Variants in SLC6A11 observed in about 807,000 individuals in gnomAD.
SLC6A11 encodes the protein solute carrier family 6 member 11, also known as sodium- and chloride-dependent GABA transporter 3.
A neutral mutation model predicts 74.8 loss-of-function variants in SLC6A11; 25 were observed. The ratio of observed to expected loss-of-function variants is 0.33; its 90% CI spans 0.24 to 0.47. The LOEUF (loss-of-function observed/expected upper bound fraction) is 0.47, where lower values mean the gene tolerates loss of function less well. Among genes scored for constraint, SLC6A11 ranks in the 20% least tolerant of loss-of-function variants. The pLI, the probability that SLC6A11 is intolerant of heterozygous loss-of-function variation, is 1.00. For synonymous variants in SLC6A11, 330 were observed against 330.2 expected, an observed-to-expected ratio of 1.00 and a Z score of 0.01; for missense variants, 574 against 837.0, an observed-to-expected ratio of 0.69 and a Z score of 3.88.
At chr3:10,933,742 C>G (rs181565557) in intron 11 of SLC6A11, among the ~76,000 whole-genome samples, 466 of 152,234 alleles carry the variant, frequency 3.1e-3, no homozygotes, top group African/African-American at 0.01. Flanking sequence ...CCTGCCAGGC[C>G]CCTGCCTTCA....
intron 1 of SLC6A11, among the ~76,000 whole-genome samples, chr3:10,817,936 C>T (rs2106568410): frequency 6.6e-6 from 1 of 152,294 alleles, no homozygotes; most frequent in South Asian, 2.1e-4. Context: ...CTGTGCACAC[C>T]TAGGGTAGTC....
At chr3:10,879,682 A>G (rs1176171806) in intron 6 of SLC6A11, among the ~76,000 whole-genome samples, 1 of 152,190 alleles carries the variant, frequency 6.6e-6, no homozygotes, top group Admixed American at 6.5e-5. Flanking sequence ...CGGGACATAA[A>G]CCATATCAAA....
chr3:10,822,547 G>C (rs1694152121), intron 3 of SLC6A11, among the ~76,000 whole-genome samples: 2 of 152,180 alleles, frequency 1.3e-5, no homozygotes, highest in Admixed American at 1.3e-4. Flanking sequence ...TGGAAAAGTT[G>C]GTTGCTTGGA....
chr3:10,819,191 T>C (rs1694103608), intron 1 of SLC6A11, among the ~76,000 whole-genome samples: 1 of 152,204 alleles, frequency 6.6e-6, no homozygotes. Context: ...TTTTACATTA[T>C]CATCTTAGCT....
At position 10,935,180 on chromosome 3, in the gene SLC6A11, C is replaced by A. The variant is rs759318965; in HGVS notation, c.1727C>A (p.Thr576Lys). The A allele has an allele frequency of 6.2e-7, 1 of 1,614,146 alleles. No homozygotes were observed. Among genetic ancestry groups the A allele is most frequent in the South Asian group, 1.1e-5 (1 of 91,076 alleles). ...TGGATCTGCATCACAGTGTGGAAGA[C>A]GGAGGGGACACTGCCCGAGGTGAGA... ...PLWICITVWK[T>K]EGTLPEKLQK... Residue 576 changes from threonine to lysine, a missense_variant, in exon 13 of 14, where the codon ACG (threonine) becomes AAG (lysine). Coordinates refer to ENST00000254488, the MANE Select transcript of SLC6A11 (RefSeq NM_014229.3).
At chr3:10,836,198 C>A (rs953113048) in intron 4 of SLC6A11, among the ~76,000 whole-genome samples, 1 of 152,216 alleles carries the variant, frequency 6.6e-6, no homozygotes, top group Non-Finnish European at 1.5e-5. Flanking sequence ...ATCAGTACTT[C>A]ATTGCTTTTG....
intron 6 of SLC6A11, among the ~76,000 whole-genome samples, chr3:10,895,264 A>C (rs1388506309): frequency 6.6e-6 from 1 of 152,158 alleles, no homozygotes; most frequent in Non-Finnish European, 1.5e-5. Flanking sequence ...TAAAAAAGAG[A>C]GTTGGTAATG....
At chr3:10,874,835 G>A (rs2106604931) in intron 5 of SLC6A11, 126 bp from the exon 6 acceptor site, 2 of 883,782 alleles carry the variant, frequency 2.3e-6, no homozygotes, top group Non-Finnish European at 3.4e-6. Flanking sequence ...TACACGCGGG[G>A]GAATGCTGGT....
intron 4 of SLC6A11, among the ~76,000 whole-genome samples, chr3:10,837,231 T>C (rs1694378566): frequency 6.6e-6 from 1 of 152,198 alleles, no homozygotes; most frequent in South Asian, 2.1e-4. Flanking sequence ...GAGTGAATTC[T>C]GCAATGTGAG....
chr3:10,841,806 TGTGTGTGTGTGC>T (rs1694441056), intron 4 of SLC6A11, among the ~76,000 whole-genome samples: 1 of 152,034 alleles, frequency 6.6e-6, no homozygotes, highest in Admixed American at 6.6e-5. Context: ...CACATGTCTG[TGTGTGTGTGTGC>T]GTGTGTGTGT....
chr3:10,879,232 T>C (rs1170573183), intron 6 of SLC6A11, among the ~76,000 whole-genome samples: 1 of 152,166 alleles, frequency 6.6e-6, no homozygotes, highest in East Asian at 1.9e-4. Context: ...CTAGGAAGTG[T>C]GTATGTGTGT....
chr3:10,826,565 A>G (rs1694212463), intron 4 of SLC6A11, among the ~76,000 whole-genome samples: 2 of 152,206 alleles, frequency 1.3e-5, no homozygotes, highest in Non-Finnish European at 1.5e-5. Flanking sequence ...TGTATAATGT[A>G]TTTGTTCATT....
chr3:10,912,299 G>A, intron 7 of SLC6A11, 106 bp downstream of exon 7: 1 of 773,012 alleles, frequency 1.3e-6, no homozygotes, highest in Non-Finnish European at 2.3e-6. Flanking sequence ...GCCCCAGGAG[G>A]AGATAGATAG....
rs1262770704 is a variant in SLC6A11 at position 10,915,964 on chromosome 3, G to C, written c.996-2365G>C. 6.6e-6 allele frequency among the ~76,000 whole-genome samples: 1 copy of C among 152,178 alleles called. No homozygotes were observed. The highest frequency in any genetic ancestry group is 2.4e-5 in the African/African-American group (1 of 41,440). On this transcript the variant is annotated intron_variant, in intron 7 of 13. Coordinates refer to ENST00000254488, the MANE Select transcript of SLC6A11 (RefSeq NM_014229.3). This position sits in a 1 kb window ranked among gnomAD's most constrained non-coding sequence, Gnocchi z 4.3. ...CAAAAGCATGGGCTTTGATCTATGT[G>C]ACTCATCTCCCTCAGCCTCAGGATT...
At chr3:10,855,233 C>G (rs537654780) in intron 5 of SLC6A11, among the ~76,000 whole-genome samples, 2 of 152,292 alleles carry the variant, frequency 1.3e-5, no homozygotes, top group East Asian at 3.9e-4. Flanking sequence ...GGAGTAGATA[C>G]TAATCACCCC....
intron 5 of SLC6A11, among the ~76,000 whole-genome samples, chr3:10,848,534 C>T (rs534126239): frequency 6.6e-6 from 1 of 152,310 alleles, no homozygotes; most frequent in African/African-American, 2.4e-5. Context: ...AGATTCCCTA[C>T]ACCCCAGCTT....
At chr3:10,888,692 G>A (rs1416963940) in intron 6 of SLC6A11, among the ~76,000 whole-genome samples, 2 of 152,228 alleles carry the variant, frequency 1.3e-5, no homozygotes, top group African/African-American at 4.8e-5. Context: ...GAGGAGAGAT[G>A]TTGCCACGGC....
intron 6 of SLC6A11, among the ~76,000 whole-genome samples, chr3:10,889,129 A>G (rs970085029): frequency 1.3e-5 from 2 of 152,090 alleles, no homozygotes; most frequent in African/African-American, 4.8e-5. Context: ...AGCTGTTTTA[A>G]GTTTACAGAA....
intron 6 of SLC6A11, among the ~76,000 whole-genome samples, chr3:10,882,695 G>A (rs142375995): frequency 8.5e-5 from 13 of 152,322 alleles, no homozygotes; most frequent in Middle Eastern, 3.4e-3. Flanking sequence ...TACGGTTGCA[G>A]TTGTGAGTGT....
Sources: allele counts gnomAD v4.1 joint callset (sites outside exome capture counted in the v4.1 genomes callset), GRCh38; gene constraint gnomAD v4.1.1; non-coding constraint Gnocchi (gnomAD v3.1); transcripts MANE v1.5; gene names NCBI Gene and HGNC (gene_info 2026-07-23, HGNC 2026-07-21).